PDE5A: variants seen among roughly 807,000 people sequenced by gnomAD.
PDE5A encodes the protein cGMP-specific 3',5'-cyclic phosphodiesterase.
PDE5A carries 67 observed loss-of-function variants against 110.2 expected under a neutral mutation model. The observed-to-expected ratio is 0.61, with a 90% CI of 0.50 to 0.75. The LOEUF (loss-of-function observed/expected upper bound fraction) is 0.75, where lower values mean the gene tolerates loss of function less well. Among genes scored for constraint, PDE5A ranks in the 30% least tolerant of loss-of-function variants. PDE5A has a pLI of 0.00. For synonymous variants in PDE5A, 328 were observed against 351.2 expected (o/e 0.93, Z 0.74); for missense variants, 862 against 1,045.1 (o/e 0.82, Z 2.42).
At chr4:119,553,367 A>G (rs977491200) in intron 8 of PDE5A, among the ~76,000 whole-genome samples, 1 of 149,812 alleles carries the variant, frequency 6.7e-6, no homozygotes, top group African/African-American at 2.4e-5. Flanking sequence ...CATTGACATT[A>G]TGTAGGTAAT....
chr4:119,576,770 T>C (rs537887186), intron 3 of PDE5A, among the ~76,000 whole-genome samples: 41 of 151,572 alleles, frequency 2.7e-4, no homozygotes, highest in Non-Finnish European at 5.5e-4. Flanking sequence ...ACACCACAAT[T>C]AAAAGAACAA....
In PDE5A at chr4:119,542,990, A is replaced by G. The variant is rs1726996218; in HGVS notation, c.1397-356T>C. ...CAAGAGAACGATTTTGATGCACATC[A>G]GAATTTTGGGTCAAACAGATCTCCT... On this transcript the variant is annotated intron_variant, in intron 9 of 20. Coordinates refer to ENST00000354960, the MANE Select transcript of PDE5A (RefSeq NM_001083.4). The G allele has an allele frequency of 1.5e-5, 3 of 194,892 alleles. No individual in the cohort carries two copies. In the South Asian group the frequency reaches 3.1e-4, roughly 20 times the overall value. The allele number at this position is 194,892 out of a possible 1,614,324, so 12.1% of individuals were successfully genotyped here.
intron 1 of PDE5A, chr4:119,628,116 C>A: frequency 1.3e-6 from 1 of 788,924 alleles, no homozygotes; most frequent in Non-Finnish European, 1.5e-6. Flanking sequence ...CCATCAAGAC[C>A]GACTTGGAAA....
intron 2 of PDE5A, among the ~76,000 whole-genome samples, chr4:119,604,714 A>T (rs1315579693): frequency 6.6e-6 from 1 of 152,128 alleles, no homozygotes; most frequent in Non-Finnish European, 1.5e-5. Flanking sequence ...GGTATTACTC[A>T]CTAGTAGTAC....
chr4:119,596,588 C>A lies in PDE5A; in HGVS notation c.766G>T (p.Asp256Tyr). The A allele has an allele frequency of 1.3e-6, 2 of 1,596,268 alleles. No homozygotes were observed. Among genetic ancestry groups the A allele is most frequent in the South Asian group, 2.3e-5 (2 of 87,718 alleles). ...YEDPRFNAEV[D>Y]QITGYKTQSI... ...TGTGTCTTGTAGCCTGTAATTTGGT[C>A]AACTTCTGCATTGAACCGAGGATCC... The change falls in exon 3 of 21, where the codon GAC becomes TAC. Residue 256 changes from aspartate (D) to tyrosine (Y), a missense_variant. Coordinates refer to ENST00000354960, the MANE Select transcript of PDE5A (RefSeq NM_001083.4).
intron 4 of PDE5A, among the ~76,000 whole-genome samples, chr4:119,566,118 A>G (rs1478965437): frequency 6.6e-6 from 1 of 152,078 alleles, no homozygotes; most frequent in African/African-American, 2.4e-5. Context: ...ATGGAATTCA[A>G]AGCCAATCCA....
At chr4:119,544,539 T>C (rs1160132368) in intron 9 of PDE5A, among the ~76,000 whole-genome samples, 2 of 152,240 alleles carry the variant, frequency 1.3e-5, no homozygotes, top group Non-Finnish European at 2.9e-5. Flanking sequence ...TATACAGGCT[T>C]CTGTCTCCTA....
At chr4:119,603,252 G>A (rs1271319175) in intron 2 of PDE5A, among the ~76,000 whole-genome samples, 1 of 152,218 alleles carries the variant, frequency 6.6e-6, no homozygotes, top group Non-Finnish European at 1.5e-5. Context: ...GCCGGCTGCA[G>A]TGGCATGCAC....
intron 1 of PDE5A, among the ~76,000 whole-genome samples, chr4:119,620,845 A>G (rs762563838): frequency 2.0e-4 from 31 of 152,336 alleles, no homozygotes; most frequent in Middle Eastern, 3.4e-3. Context: ...CATAGCAAGT[A>G]AAAAATGAAA....
chr4:119,538,811 T>C, intron 11 of PDE5A, 149 bp downstream of exon 11: 2 of 695,066 alleles, frequency 2.9e-6, no homozygotes, highest in Non-Finnish European at 5.2e-6. Flanking sequence ...ATTTAATGCC[T>C]TTTGCTTTGT....
chr4:119,535,444 C>T (rs1306399076), intron 11 of PDE5A, among the ~76,000 whole-genome samples: 3 of 151,962 alleles, frequency 2.0e-5, no homozygotes, highest in Admixed American at 6.6e-5. Flanking sequence ...TGATCTCCTA[C>T]AGAAGGCAAA....
intron 9 of PDE5A, chr4:119,549,840 A>C (rs781115956): frequency 6.6e-6 from 1 of 152,228 alleles, no homozygotes; most frequent in Non-Finnish European, 1.5e-5. Flanking sequence ...TACCTCAGGG[A>C]ATAAATGTGA....
intron 2 of PDE5A, among the ~76,000 whole-genome samples, 170 bp downstream of exon 2, chr4:119,606,539 G>C (rs975107352): frequency 4.6e-5 from 7 of 152,058 alleles, no homozygotes; most frequent in Admixed American, 4.6e-4. Context: ...TTTAAAGATG[G>C]GAAAATTCTT....
chr4:119,507,782 T>TA lies in PDE5A; in HGVS notation c.2089-79dup, dbSNP rs1197668792. 132 of 838,122 alleles carry TA rather than the reference T, an allele frequency of 1.6e-4. 2 individuals carry two copies. The East Asian group carries it at 3.4e-3, about 21-fold the overall frequency. 51.9% of individuals were successfully genotyped at this position (838,122 alleles called of 1,614,324 possible). ...AACAAAATCTAGAAATATATTCACA[T>TA]ATCTTAAACACATGCCCAGTATTCT... On this transcript the variant is annotated intron_variant, in intron 15 of 20. Coordinates refer to ENST00000354960, the MANE Select transcript of PDE5A (RefSeq NM_001083.4).
At chr4:119,544,111 C>T (rs1727047588) in intron 9 of PDE5A, among the ~76,000 whole-genome samples, 1 of 152,114 alleles carries the variant, frequency 6.6e-6, no homozygotes, top group African/African-American at 2.4e-5. Flanking sequence ...CTTTATTTTT[C>T]CTGGAGCACA....
chr4:119,566,487 T>C (rs1043338375), intron 4 of PDE5A, among the ~76,000 whole-genome samples: 1 of 152,156 alleles, frequency 6.6e-6, no homozygotes, highest in African/African-American at 2.4e-5. Flanking sequence ...TGTCCTTAAA[T>C]GGAAAGCATG....
chr4:119,525,709 A>G lies in PDE5A; in HGVS notation c.1633-14T>C, dbSNP rs1726291530. ...CACCACAGCAGCCTTGGGTAAGGAA[A>G]GAAGAAAAAAAAAAATGCTGTTAAT... is the stretch of plus-strand genomic sequence containing the variant. On this transcript the variant is annotated splice_polypyrimidine_tract_variant and intron_variant, in intron 11 of 20. Coordinates refer to ENST00000354960, the MANE Select transcript of PDE5A (RefSeq NM_001083.4). This position sits in a 1 kb window ranked among gnomAD's most constrained non-coding sequence, Gnocchi z 4.3. 6.4e-7 allele frequency: 1 copy of G among 1,552,418 alleles called. No individual in the cohort carries two copies.
At chr4:119,534,759 G>A (rs1275077831) in intron 11 of PDE5A, among the ~76,000 whole-genome samples, 1 of 152,174 alleles carries the variant, frequency 6.6e-6, no homozygotes, top group Non-Finnish European at 1.5e-5. Flanking sequence ...TAAGGAACTT[G>A]ATCAGTGCCA....
intron 1 of PDE5A, among the ~76,000 whole-genome samples, chr4:119,611,539 T>G (rs2110554360): frequency 6.6e-6 from 1 of 152,334 alleles, no homozygotes; most frequent in Non-Finnish European, 1.5e-5. Context: ...CGTGACTAAT[T>G]TATGCTTGTA....
Sources: gnomAD v4.1 joint callset for allele counts (sites outside exome capture counted in the v4.1 genomes callset) on GRCh38, gnomAD v4.1.1 for gene constraint, Gnocchi (gnomAD v3.1) non-coding constraint, MANE v1.5 for transcripts, NCBI Gene and HGNC (gene_info 2026-07-23, HGNC 2026-07-21) for gene names.